The following PTAFR variants were observed in gnomAD, a reference collection of about 807,000 sequenced individuals.
PTAFR encodes platelet activating factor receptor.
In PTAFR, 8 loss-of-function variants were observed where a neutral mutation model predicts 14.7. The ratio of observed to expected loss-of-function variants is 0.54; its 90% CI spans 0.32 to 0.98. The LOEUF is 0.98. Among genes scored for constraint, PTAFR ranks in the 50% least tolerant of loss-of-function variants. The pLI is 0.04. For synonymous variants in PTAFR, 156 were observed against 176.5 expected, an observed-to-expected ratio of 0.88 and a Z score of 0.92; for missense variants, 337 against 451.2, an observed-to-expected ratio of 0.75 and a Z score of 2.29.
chr1:28,165,197 G>C (rs1322695096), intron 1 of PTAFR, among the ~76,000 whole-genome samples: 2 of 152,084 alleles, frequency 1.3e-5, no homozygotes, highest in Admixed American at 6.6e-5. Context: ...TTGAGTTCAG[G>C]AGTTTGAGAC....
intron 1 of PTAFR, among the ~76,000 whole-genome samples, chr1:28,163,997 T>G (rs568503087): frequency 2.1e-4 from 32 of 152,266 alleles, no homozygotes; most frequent in Non-Finnish European, 3.4e-4. Context: ...CCATAAATAT[T>G]CATGAGACAG....
At chr1:28,162,392 G>A (rs1646334370) in intron 1 of PTAFR, among the ~76,000 whole-genome samples, 1 of 152,154 alleles carries the variant, frequency 6.6e-6, no homozygotes, top group Non-Finnish European at 1.5e-5. Context: ...CCCAGACAGA[G>A]CAGCTGCCAC....
rs745774518 is a variant in PTAFR, at chr1:28,150,875, G to A, written c.147C>T (p.Phe49=). 1.2e-6 allele frequency: 2 copies of A among 1,614,146 alleles called. No homozygotes were observed. Among genetic ancestry groups the A allele is most frequent in the East Asian group, 2.2e-5 (1 of 44,886 alleles). Residue 49 remains phenylalanine, a synonymous_variant, in exon 2 of 2, where the codon TTC becomes TTT. Coordinates refer to ENST00000373857, the MANE Select transcript of PTAFR (RefSeq NM_000952.5). This position sits in a 1 kb window ranked among gnomAD's most constrained non-coding sequence, Gnocchi z 6.3. ...TCACCATGAAGATCTTTATCTCATT[G>A]AATTTCTTGCAAGGGTACAGGCGGG... ...VFARLYPCKK[F]NEIKIFMVNL... is the part of the protein sequence containing the mutation.
chr1:28,181,089 C>T (rs1395898213), upstream of PTAFR, among the ~76,000 whole-genome samples: 1 of 152,040 alleles, frequency 6.6e-6, no homozygotes, highest in African/African-American at 2.4e-5. Context: ...CTGAAGCAAT[C>T]CGCCCTCCTC....
rs778778586 is a variant in PTAFR at position 28,150,138 on chromosome 1, A to C, written c.884T>G (p.Phe295Cys). The C allele has an allele frequency of 5.0e-6, 8 of 1,614,014 alleles. No individual in the cohort carries two copies. The highest frequency in any genetic ancestry group is 6.8e-6 in the Non-Finnish European group (8 of 1,180,040). ...GTGCTTGCGGAACTTCTTGGTGAGGAAACAGTAGATAACAGGGTCTAAGAC... is the reference window on the plus strand; with the variant it reads ...GTGCTTGCGGAACTTCTTGGTGAGGCAACAGTAGATAACAGGGTCTAAGAC... Reference protein sequence around the residue: ...NCVLDPVIYCFLTKKFRKHLT... With the variant: ...NCVLDPVIYCCLTKKFRKHLT... The change falls in exon 2 of 2, where the codon TTC becomes TGC. Residue 295 changes from phenylalanine (F) to cysteine (C), a missense_variant. Physicochemically the swap from Phe to Cys is radical, Grantham distance 205. Coordinates refer to ENST00000373857, the MANE Select transcript of PTAFR (RefSeq NM_000952.5). This position sits in a 1 kb window ranked among gnomAD's most constrained non-coding sequence, Gnocchi z 6.3.
rs140834600 is a variant in PTAFR, at chr1:28,154,411, T to C, written c.-38-3352A>G. Among the ~76,000 whole-genome samples the C allele has an allele frequency of 1.4e-4, 21 of 152,216 alleles. No individual in the cohort carries two copies. The East Asian group carries it at 2.5e-3, about 18-fold the overall frequency. On this transcript the variant is annotated intron_variant, in intron 1 of 1. Transcript: ENST00000373857. The stretch of plus-strand genomic sequence containing the variant: ...GGCACACAGCTAAGCACAGGAGCTA[T>C]AGGGCGAACACCCAGCAAGGGGGCC...
intron 1 of PTAFR, among the ~76,000 whole-genome samples, chr1:28,192,910 T>C (rs759682573): frequency 6.6e-6 from 1 of 152,130 alleles, no homozygotes; most frequent in Non-Finnish European, 1.5e-5. Flanking sequence ...TTATTATCAG[T>C]GTGCTCTAAG....
chr1:28,168,868 A>G (rs1243623171), intron 1 of PTAFR, among the ~76,000 whole-genome samples: 3 of 151,982 alleles, frequency 2.0e-5, no homozygotes, highest in Admixed American at 6.6e-5. Context: ...GGGTTTCAAC[A>G]TGTTGACCAG....
chr1:28,156,295 G>GA (rs1364173103), intron 1 of PTAFR, among the ~76,000 whole-genome samples: 1 of 151,164 alleles, frequency 6.6e-6, no homozygotes, highest in Non-Finnish European at 1.5e-5. Flanking sequence ...CCAATTATCT[G>GA]AAAAAGCCAT....
Position 28,150,732 on chromosome 1 carries a change from A to C in PTAFR, c.290T>G (p.Phe97Cys). The C allele has an allele frequency of 6.2e-7, 1 of 1,614,162 alleles. No homozygotes were observed. Among genetic ancestry groups the C allele is most frequent in the Non-Finnish European group, 8.5e-7 (1 of 1,180,036 alleles). Residue 97 changes from phenylalanine (F) to cysteine (C), a missense_variant, in exon 2 of 2, where the codon TTC becomes TGC. Phe to Cys is a radical substitution (Grantham distance 205). Transcript: ENST00000373857. This position sits in a 1 kb window ranked among gnomAD's most constrained non-coding sequence, Gnocchi z 6.3. ...CACAGAGCAGTAGGTGTTGATGAAGAAAAGGCAGCCAGCCACGTTGCACAG... is the reference window on the plus strand; with the variant it reads ...CACAGAGCAGTAGGTGTTGATGAAGCAAAGGCAGCCAGCCACGTTGCACAG... ...KFLCNVAGCL[F>C]FINTYCSVAF... is the part of the protein sequence containing the mutation.
At chr1:28,189,226 C>G (rs1195791309) in intron 1 of PTAFR, among the ~76,000 whole-genome samples, 1 of 140,132 alleles carries the variant, frequency 7.1e-6, no homozygotes, top group African/African-American at 2.6e-5. Flanking sequence ...AAATATTAAA[C>G]ACAGAAATAA....
intron 1 of PTAFR, among the ~76,000 whole-genome samples, chr1:28,152,224 A>ATGGT (rs2148992821): frequency 6.6e-6 from 1 of 152,278 alleles, no homozygotes; most frequent in Non-Finnish European, 1.5e-5. Flanking sequence ...ACATAAAATA[A>ATGGT]TGGTGTGTTT....
intron 1 of PTAFR, among the ~76,000 whole-genome samples, chr1:28,172,317 T>C (rs1646461852): frequency 6.6e-6 from 1 of 152,094 alleles, no homozygotes; most frequent in Admixed American, 6.6e-5. Context: ...CACACAGCCA[T>C]GCCTCTGTTA....
intron 1 of PTAFR, among the ~76,000 whole-genome samples, chr1:28,182,061 C>A (rs915857409): frequency 1.8e-4 from 28 of 152,050 alleles, no homozygotes; most frequent in Admixed American, 9.8e-4. Flanking sequence ...TTGGGCCAGG[C>A]GCAGTGGCTC....
At chr1:28,181,578 T>C (rs549010981), upstream of PTAFR, among the ~76,000 whole-genome samples, 3 of 151,976 alleles carry the variant, frequency 2.0e-5, no homozygotes, top group Non-Finnish European at 4.4e-5. Context: ...ACCCCGTCTC[T>C]ATTAAAAATA....
At chr1:28,183,941 T>C (rs1646583280) in intron 1 of PTAFR, among the ~76,000 whole-genome samples, 1 of 151,948 alleles carries the variant, frequency 6.6e-6, no homozygotes, top group Non-Finnish European at 1.5e-5. Flanking sequence ...GATAGATAGA[T>C]AGATAGATGA....
At chr1:28,191,486 C>A (rs1404063526) in intron 1 of PTAFR, among the ~76,000 whole-genome samples, 2 of 151,972 alleles carry the variant, frequency 1.3e-5, no homozygotes, top group Admixed American at 1.3e-4. Flanking sequence ...GTAGTCCAAG[C>A]GTTTTGGGAG....
chr1:28,182,796 T>C (rs1221386709), intron 1 of PTAFR, among the ~76,000 whole-genome samples: 1 of 152,126 alleles, frequency 6.6e-6, no homozygotes, highest in East Asian at 1.9e-4. Flanking sequence ...GTCTCCTGCC[T>C]CAATGTCCCA....
upstream of PTAFR, chr1:28,177,265 T>C (rs1199048821): frequency 6.6e-6 from 1 of 151,894 alleles, no homozygotes; most frequent in African/African-American, 2.4e-5. Flanking sequence ...GGAAAGAGAA[T>C]GCCCGCTGGG....
Sources: allele counts gnomAD v4.1 joint callset (sites outside exome capture counted in the v4.1 genomes callset), GRCh38; gene constraint gnomAD v4.1.1; non-coding constraint Gnocchi (gnomAD v3.1); transcripts MANE v1.5; gene names NCBI Gene and HGNC (gene_info 2026-07-23, HGNC 2026-07-21).